The following LMCD1 variants were observed in gnomAD, a reference collection of about 807,000 sequenced individuals.
LMCD1 encodes LIM and cysteine rich domains 1, also known as LIM and cysteine-rich domains protein 1.
A neutral mutation model predicts 42.7 loss-of-function variants in LMCD1; 32 were observed. The ratio of observed to expected loss-of-function variants is 0.75; its 90% CI spans 0.57 to 1.01. LMCD1 has a LOEUF of 1.01. Among genes scored for constraint, LMCD1 ranks in the 50% least tolerant of loss-of-function variants. The pLI, the probability that LMCD1 is intolerant of heterozygous loss-of-function variation, is 0.00. For synonymous variants in LMCD1, 178 were observed against 184.9 expected (o/e 0.96, Z 0.30); for missense variants, 458 against 483.1 (o/e 0.95, Z 0.49).
chr3:8,519,476 TA>T, intron 1 of LMCD1, among the ~76,000 whole-genome samples: 1 of 152,168 alleles, frequency 6.6e-6, no homozygotes, highest in Non-Finnish European at 1.5e-5. Context: ...AAATGAGTTT[TA>T]AAAACAAGAC....
chr3:8,567,380 A>G, intron 5 of LMCD1, 60 bp from the exon 6 acceptor site: 2 of 1,560,124 alleles, frequency 1.3e-6, no homozygotes, highest in South Asian at 2.3e-5. Flanking sequence ...TGTCCTAGAT[A>G]TACCGTCTCT....
At chr3:8,531,610 C>G (rs1005634693) in intron 1 of LMCD1, among the ~76,000 whole-genome samples, 1 of 152,178 alleles carries the variant, frequency 6.6e-6, no homozygotes, top group Non-Finnish European at 1.5e-5. Flanking sequence ...CTCCAAAATT[C>G]GTGCCTCTTT....
At position 8,573,125 on chromosome 3, in the gene LMCD1, TAG is replaced by T. The variant is rs1186948944; in HGVS notation, c.*5528_*5529del. ...CATTTTGAGATATTTCTTCAACATA[TAG>T]CTTTTCATTAGTGGGGATTTTGTCA... On this transcript the variant is annotated 3_prime_UTR_variant, in exon 6 of 6. Coordinates refer to ENST00000157600, the MANE Select transcript of LMCD1 (RefSeq NM_014583.4). 1 of 152,216 alleles carries T rather than the reference TAG, an allele frequency of 6.6e-6. No homozygotes were observed. Among genetic ancestry groups the T allele is most frequent in the Non-Finnish European group, 1.5e-5 (1 of 68,034 alleles). The allele number at this position is 152,216 out of a possible 1,614,324, so 9.4% of individuals were successfully genotyped here. A position where few individuals can be genotyped will look rare whatever the true frequency, so the allele number is the denominator to read the frequency against.
At chr3:8,551,636 C>T (rs1025441458) in intron 4 of LMCD1, among the ~76,000 whole-genome samples, 1 of 152,164 alleles carries the variant, frequency 6.6e-6, no homozygotes, top group African/African-American at 2.4e-5. Context: ...CCCTTTTTAC[C>T]TCCTTGAAGC....
chr3:8,535,295 A>T (rs1471895864), intron 2 of LMCD1, among the ~76,000 whole-genome samples: 1 of 152,174 alleles, frequency 6.6e-6, no homozygotes, highest in African/African-American at 2.4e-5. Context: ...GCAAAACAAA[A>T]CAACCCATTT....
rs10154948 is a variant in LMCD1, at chr3:8,517,370, G to A, written c.43-15367G>A. Among the ~76,000 whole-genome samples the A allele has an allele frequency of 7.0e-3, 1,060 of 152,250 alleles. 17 individuals carry two copies. Among genetic ancestry groups the A allele is most frequent in the African/African-American group, 0.024 (982 of 41,540 alleles). On this transcript the variant is annotated intron_variant, in intron 1 of 5. Coordinates refer to ENST00000157600, the MANE Select transcript of LMCD1 (RefSeq NM_014583.4). ...GCTTGGATCTTGTCCCCAAGATATC[G>A]TATTACATATATGCAAATATTCCAA...
At position 8,567,480 on chromosome 3, in the gene LMCD1, C is replaced by A; in HGVS notation, c.980C>A (p.Ala327Asp). 1.9e-6 allele frequency: 3 copies of A among 1,613,978 alleles called. No individual in the cohort carries two copies. Among genetic ancestry groups the A allele is most frequent in the Non-Finnish European group, 2.5e-6 (3 of 1,179,988 alleles). The change falls in exon 6 of 6, where the codon GCC becomes GAC. Residue 327 changes from alanine (A) to aspartate (D), a missense_variant. Transcript: ENST00000157600. Reference protein sequence around the residue: ...AEDYQRVEDLAWHRKHFVCEG... With the variant: ...AEDYQRVEDLDWHRKHFVCEG... ...GACTACCAGCGTGTGGAAGATCTGG[C>A]CTGGCACCGAAAGCACTTTGTCTGT... is the stretch of plus-strand genomic sequence containing the variant.
In LMCD1 at chr3:8,532,785, T is replaced by C. The variant is rs1694436879; in HGVS notation, c.91T>C (p.Cys31Arg). 2 of 1,613,710 alleles carry C rather than the reference T, an allele frequency of 1.2e-6. No individual in the cohort carries two copies. The highest frequency in any genetic ancestry group is 2.2e-5 in the East Asian group (1 of 44,858). ...QSARGVACLG[C>R]KGTCSGFEPH... ...AGCAAGAGGTGTGGCATGTTTGGGATGCAAGGGGACGTGTTCGGGCTTCGA... is the reference window on the plus strand; with the variant it reads ...AGCAAGAGGTGTGGCATGTTTGGGACGCAAGGGGACGTGTTCGGGCTTCGA... Residue 31 changes from cysteine (C) to arginine (R), a missense_variant, in exon 2 of 6, where the codon TGC (cysteine) becomes CGC (arginine). Physicochemically the swap from Cys to Arg is radical, Grantham distance 180 (BLOSUM62 -3). Transcript: ENST00000157600.
In LMCD1 at chr3:8,539,798, A is replaced by T. The variant is rs7609694; in HGVS notation, c.387+2358A>T. Among the ~76,000 whole-genome samples the T allele has an allele frequency of 5.1e-3, 326 of 63,958 alleles. 2 individuals carry two copies. Among genetic ancestry groups the T allele is most frequent in the South Asian group, 0.012 (18 of 1,512 alleles). 42.0% of individuals were successfully genotyped at this position (63,958 alleles called of 152,430 possible). ...TCCCACTCACCTTCCCAACATTTTT[A>T]TTATTATTATTATTATTATTATTAT... On this transcript the variant is annotated intron_variant, in intron 3 of 5. Coordinates refer to ENST00000157600, the MANE Select transcript of LMCD1 (RefSeq NM_014583.4).
intron 2 of LMCD1, among the ~76,000 whole-genome samples, chr3:8,535,001 C>T (rs1403525933): frequency 4.6e-5 from 7 of 152,206 alleles, no homozygotes; most frequent in Non-Finnish European, 8.8e-5. Context: ...TGAAATTCCA[C>T]ATTAACTGCA....
intron 1 of LMCD1, among the ~76,000 whole-genome samples, chr3:8,526,724 C>T (rs1694309750): frequency 6.6e-6 from 1 of 152,184 alleles, no homozygotes; most frequent in Non-Finnish European, 1.5e-5. Context: ...ACCTTGAGAA[C>T]CACTGCAACA....
chr3:8,532,686 C>T (rs370585584), intron 1 of LMCD1, 51 bp from the exon 2 acceptor site: 44 of 1,516,928 alleles, frequency 2.9e-5, no homozygotes, highest in East Asian at 2.5e-4. Flanking sequence ...CAAGCATCTC[C>T]GGTCCAAGAT....
Position 8,569,450 on chromosome 3 carries a change from A to G in LMCD1, c.*1852A>G, listed in dbSNP as rs1411327518. The G allele has an allele frequency of 1.3e-5, 2 of 152,192 alleles. No individual in the cohort carries two copies. The highest frequency in any genetic ancestry group is 2.9e-5 in the Non-Finnish European group (2 of 68,024). The allele number at this position is 152,192 out of a possible 1,614,324, so 9.4% of individuals were successfully genotyped here. On this transcript the variant is annotated 3_prime_UTR_variant, in exon 6 of 6. Transcript: ENST00000157600. ...CCACAAGTATTTCAGTGAGCACGGC[A>G]AAGTTCCAATTCCCATGCTGAATAT... is the stretch of plus-strand genomic sequence containing the variant.
intron 4 of LMCD1, among the ~76,000 whole-genome samples, chr3:8,555,892 C>T (rs1694926879): frequency 6.6e-6 from 1 of 152,080 alleles, no homozygotes; most frequent in Non-Finnish European, 1.5e-5. Context: ...CCGCCATAGG[C>T]AATATCTAAA....
chr3:8,541,939 A>G (rs769999637), intron 3 of LMCD1, among the ~76,000 whole-genome samples: 1 of 151,204 alleles, frequency 6.6e-6, no homozygotes, highest in Admixed American at 6.6e-5. Context: ...CAGGATCACA[A>G]AGTACACACC....
chr3:8,564,952 T>C (rs1695100313), intron 4 of LMCD1, among the ~76,000 whole-genome samples: 1 of 152,246 alleles, frequency 6.6e-6, no homozygotes, highest in Non-Finnish European at 1.5e-5. Context: ...TGCAGATATA[T>C]AAAACAATGT....
intron 4 of LMCD1, chr3:8,549,795 CAG>C: frequency 1.4e-6 from 1 of 702,482 alleles, no homozygotes; most frequent in Non-Finnish European, 2.6e-6. Context: ...GCACTCTCTG[CAG>C]AGTCCTGAGG....
At chr3:8,509,425 C>T (rs1397598023) in intron 1 of LMCD1, among the ~76,000 whole-genome samples, 1 of 152,182 alleles carries the variant, frequency 6.6e-6, no homozygotes, top group Non-Finnish European at 1.5e-5. Flanking sequence ...GCTCCATTAC[C>T]AGTCTTTCCC....
intron 2 of LMCD1, among the ~76,000 whole-genome samples, chr3:8,535,513 G>A (rs1191624045): frequency 2.0e-5 from 3 of 152,186 alleles, no homozygotes; most frequent in Non-Finnish European, 2.9e-5. Flanking sequence ...GCACATCACC[G>A]TATCAAAGTC....
Sources: allele counts gnomAD v4.1 joint callset (sites outside exome capture counted in the v4.1 genomes callset), GRCh38; gene constraint gnomAD v4.1.1; transcripts MANE v1.5; gene names NCBI Gene and HGNC (gene_info 2026-07-23, HGNC 2026-07-21).